EXOC2: variants seen among roughly 807,000 people sequenced by gnomAD.
The protein encoded by EXOC2 is exocyst complex component 2.
Under a neutral mutation model 131.8 loss-of-function variants are expected in EXOC2, and 70 were observed. That is an observed-to-expected ratio of 0.53 (90% CI 0.44 to 0.65). EXOC2 has a LOEUF of 0.65. EXOC2 is among the 30% of genes least tolerant of loss of function. EXOC2 has a pLI of 0.00. For missense variants in EXOC2, 923 were observed against 1,108.6 expected (o/e 0.83, Z 2.38); for synonymous variants, 411 against 398.4 (o/e 1.03, Z -0.38).
intron 25 of EXOC2, among the ~76,000 whole-genome samples, chr6:493,085 TA>T (rs1763529048): frequency 1.3e-5 from 2 of 152,134 alleles, no homozygotes; most frequent in Admixed American, 1.3e-4. Flanking sequence ...GGAGAACATT[TA>T]AAAGAAATAT....
chr6:690,023 T>C (rs76863137), intron 1 of EXOC2, among the ~76,000 whole-genome samples: 3,192 of 152,316 alleles, frequency 0.021, 42 homozygotes, highest in South Asian at 0.035. Flanking sequence ...ATAGTTGCTT[T>C]GACGCCTAAG....
intron 4 of EXOC2, among the ~76,000 whole-genome samples, chr6:621,539 C>G (rs186124462): frequency 3.9e-5 from 6 of 152,388 alleles, no homozygotes; most frequent in Admixed American, 1.3e-4. Context: ...TTCGGTAACA[C>G]TGTCCTTCTT....
At chr6:539,394 C>T (rs1766666976) in intron 22 of EXOC2, among the ~76,000 whole-genome samples, 1 of 152,182 alleles carries the variant, frequency 6.6e-6, no homozygotes, top group Admixed American at 6.5e-5. Context: ...ATCTCACGCA[C>T]CGGCACTGAT....
intron 1 of EXOC2, among the ~76,000 whole-genome samples, chr6:681,738 C>A (rs1345817318): frequency 6.6e-6 from 1 of 152,164 alleles, no homozygotes; most frequent in Admixed American, 6.5e-5. Flanking sequence ...AGGTAGTAAT[C>A]TTTTTCTTAA....
At position 580,156 on chromosome 6, in the gene EXOC2, C is replaced by T. The variant is rs574467518; in HGVS notation, c.1193-3274G>A. Among the ~76,000 whole-genome samples, 8 of 152,124 alleles carry T rather than the reference C, an allele frequency of 5.3e-5. 1 individual carries two copies. Among genetic ancestry groups the T allele is most frequent in the African/African-American group, 1.7e-4 (7 of 41,494 alleles). On this transcript the variant is annotated intron_variant, in intron 11 of 27. Transcript: ENST00000230449. ...TCCTGGGTTCAAGCGATTCTCTTGC[C>T]TCAGCCTCTCAAGTAGCTGAGACTA...
In EXOC2 at chr6:493,236, G is replaced by A. The variant is rs183200542; in HGVS notation, c.2560-2050C>T. 1.9e-3 allele frequency among the ~76,000 whole-genome samples: 285 copies of A among 152,288 alleles called. 1 individual carries two copies. The highest frequency in any genetic ancestry group is 6.5e-3 in the African/African-American group (269 of 41,560). ...ACAGGATATTCAGTGACCTTTTTCTGTTTGGAAGGCAATTGTTTGGTTTCA... is the reference window on the plus strand; with the variant it reads ...ACAGGATATTCAGTGACCTTTTTCTATTTGGAAGGCAATTGTTTGGTTTCA... On this transcript the variant is annotated intron_variant, in intron 25 of 27. Coordinates refer to ENST00000230449, the MANE Select transcript of EXOC2 (RefSeq NM_018303.6).
intron 27 of EXOC2, among the ~76,000 whole-genome samples, chr6:487,089 T>G (rs1763114222): frequency 6.6e-6 from 1 of 152,174 alleles, no homozygotes; most frequent in African/African-American, 2.4e-5. Context: ...TTACACACCT[T>G]CAAATTCACT....
At chr6:486,998 C>T (rs547220931) in intron 27 of EXOC2, among the ~76,000 whole-genome samples, 1 of 152,326 alleles carries the variant, frequency 6.6e-6, no homozygotes, top group African/African-American at 2.4e-5. Flanking sequence ...TCCTTCCTAT[C>T]CCCTCCCAAG....
chr6:496,255 A>C (rs1763731965), intron 25 of EXOC2, among the ~76,000 whole-genome samples: 1 of 152,236 alleles, frequency 6.6e-6, no homozygotes, highest in South Asian at 2.1e-4. Context: ...GTGCATTTCA[A>C]TTAAATTTGA....
At chr6:556,758 G>T (rs1400742293) in intron 17 of EXOC2, among the ~76,000 whole-genome samples, 194 bp from the exon 18 acceptor site, 1 of 152,192 alleles carries the variant, frequency 6.6e-6, no homozygotes, top group Admixed American at 6.5e-5. Context: ...TCGTATTTTA[G>T]AATGAATCAA....
chr6:528,562 A>C (rs1428288874), intron 23 of EXOC2, among the ~76,000 whole-genome samples: 2 of 152,086 alleles, frequency 1.3e-5, no homozygotes, highest in African/African-American at 4.8e-5. Context: ...TGACTTCTAC[A>C]TGTTTTTGGA....
chr6:521,933 C>G (rs1389941605), intron 23 of EXOC2, among the ~76,000 whole-genome samples: 1 of 152,190 alleles, frequency 6.6e-6, no homozygotes, highest in Admixed American at 6.5e-5. Flanking sequence ...ATAGTTGACT[C>G]AATTTGACTT....
At chr6:685,127 A>AACACAC (rs35607623) in intron 1 of EXOC2, among the ~76,000 whole-genome samples, 1,698 of 149,590 alleles carry the variant, frequency 0.011, 35 homozygotes, top group African/African-American at 0.037. Context: ...ATCATTTGAA[A>AACACAC]ACACACACAC....
intron 1 of EXOC2, chr6:656,542 G>A: frequency 1.2e-6 from 2 of 1,600,708 alleles, no homozygotes; most frequent in Non-Finnish European, 1.7e-6. Flanking sequence ...GGAAGCACCC[G>A]CACGGGCAGA....
chr6:550,607 C>T (rs1368761483), intron 21 of EXOC2, among the ~76,000 whole-genome samples: 1 of 152,160 alleles, frequency 6.6e-6, no homozygotes, highest in Non-Finnish European at 1.5e-5. Flanking sequence ...GTATGATACT[C>T]CTCCACGTTT....
chr6:579,359 C>T (rs1758759724), intron 11 of EXOC2, among the ~76,000 whole-genome samples: 1 of 152,114 alleles, frequency 6.6e-6, no homozygotes, highest in Non-Finnish European at 1.5e-5. Context: ...TTAGAAACCA[C>T]ATCATCAGTT....
At chr6:596,565 C>G (rs1433510702) in intron 10 of EXOC2, among the ~76,000 whole-genome samples, 1 of 152,076 alleles carries the variant, frequency 6.6e-6, no homozygotes. Flanking sequence ...CCAGGTTTTG[C>G]TATATTGCCC....
In EXOC2 at chr6:680,784, G is replaced by C. The variant is rs117207311; in HGVS notation, c.-44+12235C>G. 1.3e-3 allele frequency among the ~76,000 whole-genome samples: 204 copies of C among 152,236 alleles called. 1 individual carries two copies. In the East Asian group the frequency reaches 0.023, roughly 17 times the overall value. On this transcript the variant is annotated intron_variant, in intron 1 of 27. Transcript: ENST00000230449. Reference sequence around the variant, plus strand: ...GTATCCTTTACATTAAAGAAAAAGGGATGAAAAAAAGTTACTGTGCCAAGC... The same window carrying C: ...GTATCCTTTACATTAAAGAAAAAGGCATGAAAAAAAGTTACTGTGCCAAGC...
At chr6:561,646 C>T (rs1159632691) in intron 17 of EXOC2, among the ~76,000 whole-genome samples, 2 of 152,004 alleles carry the variant, frequency 1.3e-5, no homozygotes, top group East Asian at 1.9e-4. Context: ...AGTACAGTGG[C>T]GCGATCTCGG....
Sources: allele counts gnomAD v4.1 joint callset (sites outside exome capture counted in the v4.1 genomes callset), GRCh38; gene constraint gnomAD v4.1.1; transcripts MANE v1.5; gene names NCBI Gene and HGNC (gene_info 2026-07-23, HGNC 2026-07-21).